Variants in CNOT2 observed in about 807,000 individuals in gnomAD.
CNOT2 encodes the protein CC chemokine receptor 4-negative regulator of transcription 2.
A neutral mutation model predicts 72.1 loss-of-function variants in CNOT2; 7 were observed. That is an observed-to-expected ratio of 0.10 (90% CI 0.06 to 0.18). CNOT2 has a LOEUF of 0.18. Ranked by LOEUF, CNOT2 falls within the 10% of genes least tolerant of loss-of-function variation. The pLI is 1.00. For missense variants in CNOT2, 345 were observed against 660.3 expected (o/e 0.52, Z 5.23); for synonymous variants, 196 against 225.6 (o/e 0.87, Z 1.17).
chr12:70,260,233 G>A (rs1243785187), intron 1 of CNOT2, among the ~76,000 whole-genome samples: 1 of 151,994 alleles, frequency 6.6e-6, no homozygotes, highest in Non-Finnish European at 1.5e-5. Context: ...CTGAACATGG[G>A]ATGTCTTTCT....
chr12:70,302,011 G>C (rs1006068499), intron 2 of CNOT2: 1 of 152,136 alleles, frequency 6.6e-6, no homozygotes, highest in Non-Finnish European at 1.5e-5. Context: ...TTGTGTAGAG[G>C]TGTTTATAGT....
chr12:70,302,939 C>A (rs1874369472), intron 2 of CNOT2, among the ~76,000 whole-genome samples: 2 of 152,302 alleles, frequency 1.3e-5, no homozygotes, highest in Admixed American at 6.5e-5. Context: ...GTTAGTTCTT[C>A]TTGTTGAATT....
intron 1 of CNOT2, among the ~76,000 whole-genome samples, chr12:70,265,497 T>G (rs1001976201): frequency 6.6e-6 from 1 of 152,046 alleles, no homozygotes; most frequent in African/African-American, 2.4e-5. Flanking sequence ...TTCTATATTT[T>G]CTCTTTTATT....
rs189707522 is a variant in CNOT2, at chr12:70,287,302, C to T, written c.48+9028C>T. Among the ~76,000 whole-genome samples, 9 of 149,572 alleles carry T rather than the reference C, an allele frequency of 6.0e-5. 2 individuals are homozygous for T. In the East Asian group the frequency reaches 1.8e-3, roughly 30 times the overall value. ...TTGGTCAGACTTACTAGTGATTCGT[C>T]AGTTTTACTAGGGGTCAAATTTTAG... On this transcript the variant is annotated intron_variant, in intron 2 of 15. Coordinates refer to ENST00000229195, the MANE Select transcript of CNOT2 (RefSeq NM_014515.7).
intron 1 of CNOT2, chr12:70,243,784 C>T (rs1957705273): frequency 1.3e-5 from 2 of 152,454 alleles, no homozygotes; most frequent in Non-Finnish European, 2.9e-5. Context: ...GCAGCAGCTC[C>T]AGATCCTAGG....
Position 70,347,094 on chromosome 12 carries a change from A to G in CNOT2, c.1536+770A>G, listed in dbSNP as rs570425888. On this transcript the variant is annotated intron_variant, in intron 15 of 15. Transcript: ENST00000229195. The stretch of plus-strand genomic sequence containing the variant: ...GATTTTTCTGATACATTTTCCATCA[A>G]TGATTCTGAGGTTTATAATTAAAGA... Among the ~76,000 whole-genome samples the G allele has an allele frequency of 1.9e-4, 29 of 152,144 alleles. No individual in the cohort carries two copies. In the South Asian group the frequency reaches 3.1e-3, roughly 16 times the overall value.
At chr12:70,299,349 AGCTGCTAAT>A (rs1873423385) in intron 2 of CNOT2, among the ~76,000 whole-genome samples, 1 of 151,778 alleles carries the variant, frequency 6.6e-6, no homozygotes, top group African/African-American at 2.4e-5. Context: ...CATTAGGTAT[AGCTGCTAAT>A]GCTGTCCCTC....
At chr12:70,305,037 G>A (rs1218886961) in intron 2 of CNOT2, among the ~76,000 whole-genome samples, 1 of 152,200 alleles carries the variant, frequency 6.6e-6, no homozygotes, top group African/African-American at 2.4e-5. Flanking sequence ...GTATTAGGGT[G>A]GGAGTGACCC....
chr12:70,334,980 C>G (rs1195809992), intron 7 of CNOT2: 1 of 154,530 alleles, frequency 6.5e-6, no homozygotes, highest in African/African-American at 2.4e-5. Flanking sequence ...ACTGCCTGTG[C>G]CTCAGCTATA....
intron 4 of CNOT2, among the ~76,000 whole-genome samples, chr12:70,320,959 A>G (rs1017327555): frequency 1.3e-5 from 2 of 151,860 alleles, no homozygotes; most frequent in African/African-American, 4.8e-5. Context: ...CAGTTATATC[A>G]TTGGTATGAC....
intron 6 of CNOT2, 102 bp from the exon 7 acceptor site, chr12:70,332,665 A>G (rs1880132184): frequency 7.4e-7 from 1 of 1,356,184 alleles, no homozygotes. Context: ...TTTGAAACAT[A>G]TTGTTATTTT....
intron 1 of CNOT2, among the ~76,000 whole-genome samples, chr12:70,262,378 A>G (rs1047491777): frequency 6.6e-6 from 1 of 151,582 alleles, no homozygotes; most frequent in Admixed American, 6.6e-5. Context: ...GGTTCACGCC[A>G]TTCTCCTGCC....
intron 2 of CNOT2, among the ~76,000 whole-genome samples, chr12:70,278,804 A>C (rs1450556725): frequency 2.6e-5 from 4 of 152,190 alleles, no homozygotes; most frequent in Admixed American, 2.0e-4. Context: ...TCATTTAATA[A>C]GGTGGTTAAT....
intron 1 of CNOT2, among the ~76,000 whole-genome samples, chr12:70,274,623 T>A (rs1447231392): frequency 6.6e-6 from 1 of 152,072 alleles, no homozygotes; most frequent in African/African-American, 2.4e-5. Flanking sequence ...GAAGGTTTTT[T>A]AAAAAGTTTA....
chr12:70,260,524 A>ATATT (rs1958693821), intron 1 of CNOT2, among the ~76,000 whole-genome samples: 1 of 152,096 alleles, frequency 6.6e-6, no homozygotes, highest in African/African-American at 2.4e-5. Context: ...AATTATTATA[A>ATATT]AACATTACTA....
rs115553767 is a variant in CNOT2 at position 70,346,096 on chromosome 12, C to T, written c.1392-84C>T. On this transcript the variant is annotated intron_variant, in intron 14 of 15. Transcript: ENST00000229195. ...TATTTTATGTGTAATTTTTTTTTTC[C>T]GGAGGAAAGCTTTACAAAATGTAGA... 2.0e-3 allele frequency: 1,685 copies of T among 850,804 alleles called. 27 individuals are homozygous for T. The African/African-American group carries it at 0.024, about 12-fold the overall frequency. 52.7% of individuals were successfully genotyped at this position (850,804 alleles called of 1,614,324 possible). A position where few individuals can be genotyped will look rare whatever the true frequency, so the allele number is the denominator to read the frequency against.
intron 15 of CNOT2, among the ~76,000 whole-genome samples, chr12:70,353,134 G>A (rs895550920): frequency 2.0e-5 from 3 of 150,414 alleles, no homozygotes; most frequent in Admixed American, 6.6e-5. Flanking sequence ...GTGCAGTGGT[G>A]CAATCTTGGC....
chr12:70,333,853 A>G (rs1400576363), intron 7 of CNOT2, among the ~76,000 whole-genome samples: 1 of 151,930 alleles, frequency 6.6e-6, no homozygotes, highest in Non-Finnish European at 1.5e-5. Flanking sequence ...TCATAATTTA[A>G]TGTCTTTGAA....
intron 15 of CNOT2, among the ~76,000 whole-genome samples, chr12:70,348,819 T>C (rs980754648): frequency 1.9e-4 from 29 of 151,798 alleles, no homozygotes; most frequent in Non-Finnish European, 3.5e-4. Context: ...TTAAAGAAAA[T>C]TGTATCTATT....
Sources: gnomAD v4.1 joint callset for allele counts (sites outside exome capture counted in the v4.1 genomes callset) on GRCh38, gnomAD v4.1.1 for gene constraint, MANE v1.5 for transcripts, NCBI Gene and HGNC (gene_info 2026-07-23, HGNC 2026-07-21) for gene names.